The following CACNA1D variants were observed in gnomAD, a reference collection of about 807,000 sequenced individuals.
CACNA1D encodes the protein calcium voltage-gated channel subunit alpha1 D, also known as voltage-dependent L-type calcium channel subunit alpha-1D.
In CACNA1D, 55 loss-of-function variants were observed where a neutral mutation model predicts 257.1. The ratio of observed to expected loss-of-function variants is 0.21; its 90% CI spans 0.17 to 0.27. The LOEUF (loss-of-function observed/expected upper bound fraction) is 0.27, where lower values mean the gene tolerates loss of function less well. Among genes scored for constraint, CACNA1D ranks in the 10% least tolerant of loss-of-function variants. CACNA1D has a pLI of 1.00. For synonymous variants in CACNA1D, 980 were observed against 1,014.9 expected (o/e 0.97, Z 0.65); for missense variants, 1,876 against 2,784.0 (o/e 0.67, Z 7.34).
At chr3:53,695,618 G>A (rs1017371473) in intron 8 of CACNA1D, among the ~76,000 whole-genome samples, 6 of 152,186 alleles carry the variant, frequency 3.9e-5, no homozygotes, top group East Asian at 1.9e-4. Flanking sequence ...GACAGTGACC[G>A]TAGCATGGTG....
intron 3 of CACNA1D, among the ~76,000 whole-genome samples, chr3:53,616,536 C>G (rs1193006137): frequency 6.6e-6 from 1 of 152,236 alleles, no homozygotes; most frequent in Non-Finnish European, 1.5e-5. Flanking sequence ...GGAGACAACT[C>G]TTCTGCTTTC....
intron 3 of CACNA1D, among the ~76,000 whole-genome samples, chr3:53,615,081 C>T (rs2093622569): frequency 6.6e-6 from 1 of 152,134 alleles, no homozygotes; most frequent in Non-Finnish European, 1.5e-5. Context: ...TTGCTGCAGC[C>T]TTCATTTTTT....
chr3:53,580,865 A>C (rs573279299), intron 3 of CACNA1D, among the ~76,000 whole-genome samples: 1 of 152,192 alleles, frequency 6.6e-6, no homozygotes, highest in Non-Finnish European at 1.5e-5. Context: ...GTGCATACAC[A>C]CACTCACTCA....
chr3:53,731,831 C>T (rs1185874698), intron 17 of CACNA1D, among the ~76,000 whole-genome samples, 185 bp from the exon 18 acceptor site: 2 of 152,212 alleles, frequency 1.3e-5, no homozygotes, highest in Non-Finnish European at 2.9e-5. Context: ...TCTCACCTGC[C>T]CTCAGGCCTT....
chr3:53,689,985 C>A (rs1385975204), intron 8 of CACNA1D, among the ~76,000 whole-genome samples: 2 of 152,080 alleles, frequency 1.3e-5, no homozygotes, highest in African/African-American at 4.8e-5. Context: ...TGCTTATAAT[C>A]CTGTGCTTTA....
intron 3 of CACNA1D, among the ~76,000 whole-genome samples, chr3:53,650,008 G>A (rs974933223): frequency 1.3e-5 from 2 of 152,232 alleles, no homozygotes; most frequent in Middle Eastern, 3.2e-3. Context: ...CATTTAGCCC[G>A]TGAGCAGCAC....
At chr3:53,618,436 G>T (rs2093660400) in intron 3 of CACNA1D, among the ~76,000 whole-genome samples, 2 of 152,184 alleles carry the variant, frequency 1.3e-5, no homozygotes, top group Non-Finnish European at 2.9e-5. Context: ...GGTCAGAGTT[G>T]AGGGCTCTGA....
At chr3:53,650,973 TGGG>T in intron 4 of CACNA1D, 55 bp downstream of exon 4, 11 of 1,117,444 alleles carry the variant, frequency 9.8e-6, no homozygotes, top group Non-Finnish European at 1.5e-5. Flanking sequence ...AGGTGGAGGT[TGGG>T]GGGGGTGGTG....
rs1055260696 is a variant in CACNA1D, at chr3:53,783,350, T to G, written c.4792+1683T>G. Among the ~76,000 whole-genome samples the G allele has an allele frequency of 1.2e-4, 18 of 152,360 alleles. No homozygotes were observed. The South Asian group carries it at 3.1e-3, about 26-fold the overall frequency. On this transcript the variant is annotated intron_variant, in intron 39 of 47. Coordinates refer to ENST00000350061, the MANE Select transcript of CACNA1D (RefSeq NM_001128840.3). ...TAGCTCGCCATCGAAGCTCCCTTCC[T>G]TTGAAAAGCTGATCAACTTTTAGCT...
intron 3 of CACNA1D, among the ~76,000 whole-genome samples, chr3:53,555,460 GTTTTTTTTTT>G (rs372133749): frequency 1.3e-5 from 1 of 78,386 alleles, no homozygotes; most frequent in South Asian, 4.8e-4. Context: ...GTGTGTGTGT[GTTTTTTTTTT>G]TTTTTTTTTT....
At chr3:53,611,083 C>T (rs942390816) in intron 3 of CACNA1D, among the ~76,000 whole-genome samples, 1 of 152,160 alleles carries the variant, frequency 6.6e-6, no homozygotes, top group South Asian at 2.1e-4. Flanking sequence ...CTTGCAAAGT[C>T]AGAACTTTCT....
chr3:53,667,179 G>A (rs138826699), intron 7 of CACNA1D, among the ~76,000 whole-genome samples: 105 of 152,256 alleles, frequency 6.9e-4, no homozygotes, highest in African/African-American at 2.4e-3. Flanking sequence ...TCCAGGGCTG[G>A]TGGACCCATC....
chr3:53,717,455 G>A (rs2094831757), intron 9 of CACNA1D, among the ~76,000 whole-genome samples: 1 of 152,196 alleles, frequency 6.6e-6, no homozygotes, highest in Non-Finnish European at 1.5e-5. Flanking sequence ...GAGAAAAGAC[G>A]CTCGTGCACC....
chr3:53,577,396 G>A (rs1179136567), intron 3 of CACNA1D, among the ~76,000 whole-genome samples: 1 of 152,112 alleles, frequency 6.6e-6, no homozygotes, highest in Non-Finnish European at 1.5e-5. Flanking sequence ...CCTAGGATGT[G>A]GTGGCGAAAT....
chr3:53,572,155 A>G (rs1460809795), intron 3 of CACNA1D, among the ~76,000 whole-genome samples: 1 of 152,108 alleles, frequency 6.6e-6, no homozygotes, highest in East Asian at 1.9e-4. Context: ...TGTATGTTTC[A>G]AAAGCATCTC....
At chr3:53,750,386 G>A (rs542855140) in intron 27 of CACNA1D, among the ~76,000 whole-genome samples, 6 of 152,256 alleles carry the variant, frequency 3.9e-5, no homozygotes, top group Non-Finnish European at 2.9e-5. Context: ...GAGTTTCCCC[G>A]GGTCCTCTAT....
At chr3:53,553,708 C>T (rs143763818) in intron 3 of CACNA1D, among the ~76,000 whole-genome samples, 4 of 152,062 alleles carry the variant, frequency 2.6e-5, no homozygotes, top group Admixed American at 6.5e-5. Context: ...CATGTACACA[C>T]GCCAGACATA....
intron 3 of CACNA1D, among the ~76,000 whole-genome samples, chr3:53,506,626 C>T (rs932555897): frequency 2.0e-5 from 3 of 152,182 alleles, no homozygotes; most frequent in East Asian, 1.9e-4. Flanking sequence ...TCTTGTAGAT[C>T]ATTAGTTAAT....
chr3:53,504,886 C>G (rs1444825947), intron 3 of CACNA1D, among the ~76,000 whole-genome samples: 1 of 152,028 alleles, frequency 6.6e-6, no homozygotes, highest in Non-Finnish European at 1.5e-5. Context: ...CCGGTGCTAC[C>G]TCTTACTTCT....
Sources: allele counts gnomAD v4.1 joint callset (sites outside exome capture counted in the v4.1 genomes callset), GRCh38; gene constraint gnomAD v4.1.1; transcripts MANE v1.5; gene names NCBI Gene and HGNC (gene_info 2026-07-23, HGNC 2026-07-21).